The following ADGRB3 variants were observed in gnomAD, a reference collection of about 807,000 sequenced individuals.
The protein encoded by ADGRB3 is brain-specific angiogenesis inhibitor 3.
A neutral mutation model predicts 193.4 loss-of-function variants in ADGRB3; 37 were observed. That is an observed-to-expected ratio of 0.19 (90% CI 0.15 to 0.25). The LOEUF is 0.25. ADGRB3 is among the 10% of genes least tolerant of loss of function. The pLI is 1.00. For missense variants in ADGRB3, 1,637 were observed against 1,852.9 expected (o/e 0.88, Z 2.14); for synonymous variants, 690 against 644.2 (o/e 1.07, Z -1.08).
chr6:68,654,875 G>A (rs967326645), intron 3 of ADGRB3, among the ~76,000 whole-genome samples: 4 of 151,676 alleles, frequency 2.6e-5, no homozygotes, highest in Non-Finnish European at 4.4e-5. Context: ...AATACATTCA[G>A]ATCAGTATTC....
At chr6:69,365,082 G>A (rs1769539864) in intron 29 of ADGRB3, among the ~76,000 whole-genome samples, 1 of 152,042 alleles carries the variant, frequency 6.6e-6, no homozygotes, top group Non-Finnish European at 1.5e-5. Flanking sequence ...TAAATAGTAA[G>A]CATTTTTTCA....
intron 17 of ADGRB3, among the ~76,000 whole-genome samples, chr6:69,100,825 AGAAGGAAG>A (rs1280498014): frequency 6.2e-5 from 1 of 16,154 alleles, no homozygotes; most frequent in African/African-American, 1.7e-4. Context: ...AAGGAAGGAA[AGAAGGAAG>A]GAAGGAAGGA....
chr6:69,211,047 G>A (rs541671790), intron 17 of ADGRB3, among the ~76,000 whole-genome samples: 1 of 152,266 alleles, frequency 6.6e-6, no homozygotes, highest in African/African-American at 2.4e-5. Flanking sequence ...GCCTGAACCC[G>A]GGAGGCAGAG....
chr6:69,331,408 C>A, intron 23 of ADGRB3: 1 of 297,116 alleles, frequency 3.4e-6, no homozygotes, highest in Non-Finnish European at 5.0e-6. Flanking sequence ...TATAAATATT[C>A]ATATTGCTAT....
intron 21 of ADGRB3, among the ~76,000 whole-genome samples, 187 bp downstream of exon 21, chr6:69,325,209 T>C (rs2127309212): frequency 6.6e-6 from 1 of 152,222 alleles, no homozygotes; most frequent in Non-Finnish European, 1.5e-5. Flanking sequence ...AAGTAAGTAT[T>C]GAATGCTCAT....
At chr6:68,967,905 C>T (rs1047302764) in intron 8 of ADGRB3, among the ~76,000 whole-genome samples, 23 of 151,252 alleles carry the variant, frequency 1.5e-4, no homozygotes, top group African/African-American at 5.4e-4. Context: ...GGGGAGGAAG[C>T]GGGGGATAGT....
At chr6:69,128,226 G>C (rs901992838) in intron 17 of ADGRB3, among the ~76,000 whole-genome samples, 3 of 152,096 alleles carry the variant, frequency 2.0e-5, no homozygotes, top group Admixed American at 6.6e-5. Context: ...ACTCATAAGA[G>C]AGTATCTAAG....
chr6:68,930,773 T>C, intron 4 of ADGRB3, 104 bp downstream of exon 4: 4 of 926,304 alleles, frequency 4.3e-6, no homozygotes, highest in Non-Finnish European at 6.3e-6. Context: ...TTGGAGCTGA[T>C]ATTTTTTCGA....
intron 27 of ADGRB3, 90 bp from the exon 28 acceptor site, chr6:69,355,731 T>C: frequency 1.9e-6 from 2 of 1,037,976 alleles, no homozygotes; most frequent in Non-Finnish European, 2.9e-6. Context: ...CCAAGTTAGA[T>C]ATCTGTAAAC....
intron 3 of ADGRB3, among the ~76,000 whole-genome samples, chr6:68,761,920 T>A (rs1322791509): frequency 3.9e-5 from 6 of 152,198 alleles, no homozygotes; most frequent in Admixed American, 3.9e-4. Context: ...TATTGTCTAG[T>A]ATTTTCTATA....
chr6:68,905,344 C>T (rs1766513069), intron 3 of ADGRB3, among the ~76,000 whole-genome samples: 1 of 152,138 alleles, frequency 6.6e-6, no homozygotes, highest in Non-Finnish European at 1.5e-5. Flanking sequence ...CACAAAGCCT[C>T]CTTCCGAGCC....
At position 68,699,603 on chromosome 6, in the gene ADGRB3, G is replaced by T. The variant is rs138338338; in HGVS notation, c.757+60171G>T. Among the ~76,000 whole-genome samples the T allele has an allele frequency of 2.2e-4, 34 of 151,788 alleles. No individual in the cohort carries two copies. In the East Asian group the frequency reaches 5.7e-3, roughly 25 times the overall value. ...TCTGATAGGTTCCTTTGCATTAAGA[G>T]AATCTCCCATTTGAGACCCAAATCA... On this transcript the variant is annotated intron_variant, in intron 3 of 31. Coordinates refer to ENST00000370598, the MANE Select transcript of ADGRB3 (RefSeq NM_001704.3).
chr6:69,300,846 G>T (rs181735715), intron 20 of ADGRB3, among the ~76,000 whole-genome samples: 1 of 151,876 alleles, frequency 6.6e-6, no homozygotes, highest in East Asian at 1.9e-4. Flanking sequence ...GATATTACAT[G>T]TTCATGAATT....
chr6:69,182,401 A>C (rs573657493), intron 17 of ADGRB3, among the ~76,000 whole-genome samples: 11 of 137,988 alleles, frequency 8.0e-5, no homozygotes, highest in Non-Finnish European at 3.3e-5. Context: ...AAATAAAACA[A>C]CAACAAGAAA....
At chr6:68,709,276 G>A (rs554490195) in intron 3 of ADGRB3, among the ~76,000 whole-genome samples, 1 of 151,936 alleles carries the variant, frequency 6.6e-6, no homozygotes, top group South Asian at 2.1e-4. Flanking sequence ...TTTCTTTTCC[G>A]GTTGAGATGG....
chr6:68,928,104 G>C (rs1767233703), intron 3 of ADGRB3, among the ~76,000 whole-genome samples: 1 of 152,036 alleles, frequency 6.6e-6, no homozygotes, highest in Non-Finnish European at 1.5e-5. Flanking sequence ...TATTTTAAGA[G>C]ATGTAAATCA....
chr6:68,670,773 T>A (rs748177877), intron 3 of ADGRB3, among the ~76,000 whole-genome samples: 2 of 151,944 alleles, frequency 1.3e-5, no homozygotes, highest in African/African-American at 2.4e-5. Flanking sequence ...AATTTTTGGA[T>A]CTTTTTTCTA....
intron 3 of ADGRB3, among the ~76,000 whole-genome samples, chr6:68,736,402 G>C (rs1352022327): frequency 1.3e-5 from 2 of 152,084 alleles, no homozygotes; most frequent in African/African-American, 4.8e-5. Context: ...GTATTAAGTG[G>C]CACTCTACTT....
chr6:69,191,544 T>C (rs1765187823), intron 17 of ADGRB3, among the ~76,000 whole-genome samples: 2 of 152,168 alleles, frequency 1.3e-5, no homozygotes, highest in Admixed American at 6.6e-5. Flanking sequence ...GGTTGCATAA[T>C]AAATATGGCT....
Sources: gnomAD v4.1 joint callset for allele counts (sites outside exome capture counted in the v4.1 genomes callset) on GRCh38, gnomAD v4.1.1 for gene constraint, MANE v1.5 for transcripts, NCBI Gene and HGNC (gene_info 2026-07-23, HGNC 2026-07-21) for gene names.